SV2A: variants seen among roughly 807,000 people sequenced by gnomAD.
SV2A encodes the protein solute carrier family 22 member B1.
In SV2A, 25 loss-of-function variants were observed where a neutral mutation model predicts 78.0. The ratio of observed to expected loss-of-function variants is 0.32; its 90% CI spans 0.23 to 0.45. The LOEUF is 0.45. Among genes scored for constraint, SV2A ranks in the 20% least tolerant of loss-of-function variants. The probability of loss-of-function intolerance (pLI) is 1.00; values close to 1 mark genes in which losing one functional copy is unlikely to be tolerated. For synonymous variants in SV2A, 355 were observed against 384.7 expected (o/e 0.92, Z 0.90); for missense variants, 752 against 971.5 (o/e 0.77, Z 3.00).
At position 149,906,834 on chromosome 1, in the gene SV2A, C is replaced by G; in HGVS notation, c.1701G>C (p.Val567=). Residue 567 remains valine, a synonymous_variant, in exon 11 of 13, where the codon GTG becomes GTC. Coordinates refer to ENST00000369146, the MANE Select transcript of SV2A (RefSeq NM_014849.5). ...ATGTACTGTTTATCAGACGGCTGTT[C>G]ACAAACTTGTACTCGAACAGGTCTG... ...YNTDLFEYKF[V]NSRLINSTFL... is the part of the protein sequence containing the mutation. 6.2e-7 allele frequency: 1 copy of G among 1,614,220 alleles called. No homozygotes were observed. The highest frequency in any genetic ancestry group is 1.6e-4 in the Middle Eastern group (1 of 6,062).
In SV2A at chr1:149,905,003, T is replaced by C. The variant is rs1553762462; in HGVS notation, c.*11A>G. 6.2e-7 allele frequency: 1 copy of C among 1,605,284 alleles called. No individual in the cohort carries two copies. The highest frequency in any genetic ancestry group is 1.7e-4 in the Middle Eastern group (1 of 5,730). Reference sequence around the variant, plus strand: ...AGTGTGCCTGCCAATCCCAAAGCCCTAGAGACCCCTTCACTGCAGCACCTG... The same window carrying C: ...AGTGTGCCTGCCAATCCCAAAGCCCCAGAGACCCCTTCACTGCAGCACCTG... On this transcript the variant is annotated 3_prime_UTR_variant, in exon 13 of 13. Transcript: ENST00000369146.
Position 149,913,394 on chromosome 1 carries a change from G to T in SV2A, c.447C>A (p.Ala149=), listed in dbSNP as rs781978557. Residue 149 remains alanine (A), a synonymous_variant, in exon 2 of 13, where the codon GCC becomes GCA. Coordinates refer to ENST00000369146, the MANE Select transcript of SV2A (RefSeq NM_014849.5). Reference sequence around the variant, plus strand: ...CCCGTAGGATGGCTTCATACTGTTGGGCCAGTTCTTCTCGTTCTTTCCGTC... The same window carrying T: ...CCCGTAGGATGGCTTCATACTGTTGTGCCAGTTCTTCTCGTTCTTTCCGTC... ...AQRRKEREEL[A]QQYEAILREC... 6.2e-7 allele frequency: 1 copy of T among 1,614,102 alleles called. No individual in the cohort carries two copies. Among genetic ancestry groups the T allele is most frequent in the Non-Finnish European group, 8.5e-7 (1 of 1,180,010 alleles).
intron 12 of SV2A, 192 bp from the exon 13 acceptor site, chr1:149,905,389 A>G (rs189344178): frequency 8.3e-5 from 43 of 515,836 alleles, no homozygotes; most frequent in African/African-American, 7.4e-4. Context: ...GGGAAAGGAG[A>G]CCAAAAATTG....
chr1:149,909,607 CTG>C, intron 6 of SV2A, 36 bp from the exon 7 acceptor site: 20 of 1,588,062 alleles, frequency 1.3e-5, no homozygotes, highest in Non-Finnish European at 1.7e-5. Context: ...GTCACACACT[CTG>C]TGTTTCCCAA....
intron 3 of SV2A, among the ~76,000 whole-genome samples, chr1:149,911,528 C>G (rs2092475236): frequency 6.6e-6 from 1 of 152,160 alleles, no homozygotes; most frequent in Admixed American, 6.5e-5. Flanking sequence ...CACTAGGCCT[C>G]TTTGTGGAGG....
At position 149,913,357 on chromosome 1, in the gene SV2A, C is replaced by G. The variant is rs367547269; in HGVS notation, c.484G>C (p.Gly162Arg). The change falls in exon 2 of 13, where the codon GGC becomes CGC. Residue 162 changes from glycine to arginine, a missense_variant. Coordinates refer to ENST00000369146, the MANE Select transcript of SV2A (RefSeq NM_014849.5). ...AAATACAGTGTCCACTGGAAGCGGC[C>G]GTGGCCACACTCCCGTAGGATGGCT... is the stretch of plus-strand genomic sequence containing the variant. ...YEAILRECGH[G>R]RFQWTLYFVL... 6.2e-7 allele frequency: 1 copy of G among 1,614,140 alleles called. No individual in the cohort carries two copies. Among genetic ancestry groups the G allele is most frequent in the Non-Finnish European group, 8.5e-7 (1 of 1,180,030 alleles).
rs782251172 is a variant in SV2A, at chr1:149,910,817, G to A, written c.955+9C>T. ...GATAACCTGGGGTGGATTTCCGGGG[G>A]CTGCTCACCATAGTGGGGGATGATG... On this transcript the variant is annotated intron_variant, in intron 4 of 12. Coordinates refer to ENST00000369146, the MANE Select transcript of SV2A (RefSeq NM_014849.5). This position sits in a 1 kb window ranked among gnomAD's most constrained non-coding sequence, Gnocchi z 4.2. 6 of 1,613,304 alleles carry A rather than the reference G, an allele frequency of 3.7e-6. No individual in the cohort carries two copies. Among genetic ancestry groups the A allele is most frequent in the South Asian group, 3.3e-5 (3 of 91,056 alleles).
At chr1:149,911,710 G>T in intron 3 of SV2A, 90 bp downstream of exon 3, 4 of 1,291,974 alleles carry the variant, frequency 3.1e-6, no homozygotes, top group East Asian at 2.5e-5. Flanking sequence ...AGGTGCATTT[G>T]GTGTGCCTGG....
Position 149,905,969 on chromosome 1 carries a change from G to T in SV2A, c.1956C>A (p.Ile652=), listed in dbSNP as rs138258149. 1.2e-6 allele frequency: 2 copies of T among 1,614,012 alleles called. No individual in the cohort carries two copies. The highest frequency in any genetic ancestry group is 1.7e-5 in the Admixed American group (1 of 60,002). The change falls in exon 12 of 13, where the codon ATC becomes ATA. Residue 652 remains isoleucine, a synonymous_variant. Coordinates refer to ENST00000369146, the MANE Select transcript of SV2A (RefSeq NM_014849.5). The part of the protein sequence containing the change: ...LSFGNSESAM[I]ALLCLFGGVS... ...CCCCGCCAAAAAGGCAGAGCAGAGC[G>T]ATCATGGCCGACTCACTGTTCCCAA... is the stretch of plus-strand genomic sequence containing the variant.
intron 6 of SV2A, 100 bp downstream of exon 6, chr1:149,909,701 C>A (rs979812177): frequency 2.8e-5 from 41 of 1,464,770 alleles, no homozygotes; most frequent in Non-Finnish European, 3.7e-5. Context: ...AATCTCCTTA[C>A]GGTAGAGTGT....
chr1:149,909,401 G>A, intron 7 of SV2A, 60 bp downstream of exon 7: 1 of 1,565,200 alleles, frequency 6.4e-7, no homozygotes, highest in Non-Finnish European at 8.8e-7. Context: ...ATAGACTTCA[G>A]TCCTGCCTTC....
intron 3 of SV2A, among the ~76,000 whole-genome samples, chr1:149,911,429 G>A (rs917059502): frequency 6.6e-6 from 1 of 152,336 alleles, no homozygotes; most frequent in East Asian, 1.9e-4. Flanking sequence ...GTGGGTGTTA[G>A]CAAGGTTTGT....
At chr1:149,906,068 G>C in intron 11 of SV2A, 29 bp from the exon 12 acceptor site, 2 of 1,612,532 alleles carry the variant, frequency 1.2e-6, no homozygotes, top group Non-Finnish European at 1.7e-6. Context: ...AGAGCAACAT[G>C]AGCCTGGCCA....
rs1553762465 is a variant in SV2A, at chr1:149,905,012, C to T, written c.*2G>A. ...GCCAATCCCAAAGCCCTAGAGACCC[C>T]TTCACTGCAGCACCTGCCCCCGGGT... On this transcript the variant is annotated 3_prime_UTR_variant, in exon 13 of 13. Coordinates refer to ENST00000369146, the MANE Select transcript of SV2A (RefSeq NM_014849.5). 1.1e-5 allele frequency: 17 copies of T among 1,608,626 alleles called. No individual in the cohort carries two copies. The highest frequency in any genetic ancestry group is 2.7e-5 in the African/African-American group (2 of 74,856).
At chr1:149,912,685 T>A (rs2092482640) in intron 2 of SV2A, among the ~76,000 whole-genome samples, 2 of 152,144 alleles carry the variant, frequency 1.3e-5, no homozygotes, top group South Asian at 4.2e-4. Context: ...AGAGTCCCTG[T>A]CAGGAAAGGC....
At chr1:149,916,924 G>A (rs2092517727) in intron 1 of SV2A, among the ~76,000 whole-genome samples, 1 of 152,100 alleles carries the variant, frequency 6.6e-6, no homozygotes, top group African/African-American at 2.4e-5. Flanking sequence ...TGCACACTGA[G>A]GAATACGGAG....
chr1:149,911,030 C>T, intron 3 of SV2A, 53 bp from the exon 4 acceptor site: 1 of 1,580,434 alleles, frequency 6.3e-7, no homozygotes. Flanking sequence ...GTCCTGATCC[C>T]CTGCCCCACT....
Position 149,908,223 on chromosome 1 carries a change from A to G in SV2A, c.1380-17T>C, listed in dbSNP as rs781884356. ...CCATAGTAGCTGAAGAGTCAAGGAC[A>G]ATGGAAACAGACAACAGGGCTTCAG... On this transcript the variant is annotated splice_polypyrimidine_tract_variant and intron_variant, in intron 8 of 12. Transcript: ENST00000369146. 1.9e-6 allele frequency: 3 copies of G among 1,603,774 alleles called. No homozygotes were observed. The South Asian group carries it at 3.3e-5, about 18-fold the overall frequency.
chr1:149,909,121 C>T, intron 8 of SV2A, 71 bp downstream of exon 8: 1 of 1,475,316 alleles, frequency 6.8e-7, no homozygotes, highest in Non-Finnish European at 9.5e-7. Flanking sequence ...CATCTCCATT[C>T]TCCCCACCTC....
Sources: allele counts gnomAD v4.1 joint callset (sites outside exome capture counted in the v4.1 genomes callset), GRCh38; gene constraint gnomAD v4.1.1; non-coding constraint Gnocchi (gnomAD v3.1); transcripts MANE v1.5; gene names NCBI Gene and HGNC (gene_info 2026-07-23, HGNC 2026-07-21).